Variants in TG observed in about 807,000 individuals in gnomAD.
TG encodes thyroglobulin.
A neutral mutation model predicts 324.7 loss-of-function variants in TG; 270 were observed. The ratio of observed to expected loss-of-function variants is 0.83; its 90% confidence interval spans 0.75 to 0.92. TG has a LOEUF of 0.92. Among genes scored for constraint, TG ranks in the 40% least tolerant of loss-of-function variants. The probability of loss-of-function intolerance (pLI) is 0.00; values close to 1 mark genes in which losing one functional copy is unlikely to be tolerated. For synonymous variants in TG, 1,401 were observed against 1,327.0 expected, an observed-to-expected ratio of 1.06 and a Z score of -1.21; for missense variants, 3,591 against 3,456.4, an observed-to-expected ratio of 1.04 and a Z score of -0.98.
intron 43 of TG, among the ~76,000 whole-genome samples, chr8:133,098,788 G>A (rs540733593): frequency 2.0e-5 from 3 of 152,258 alleles, no homozygotes; most frequent in East Asian, 3.9e-4. Flanking sequence ...GCAGATCTGG[G>A]ACCATGGTGT....
In TG at chr8:133,071,924, T is replaced by C. The variant is rs542481471; in HGVS notation, c.7240-23120T>C. Among the ~76,000 whole-genome samples the C allele has an allele frequency of 2.0e-5, 3 of 152,324 alleles. No individual in the cohort carries two copies. The East Asian group carries it at 5.8e-4, about 29-fold the overall frequency. ...CATGATCTAGCCGGTGTCTGGCACA[T>C]AATGCAAGCTCAGTTAGTTAGAATG... On this transcript the variant is annotated intron_variant, in intron 41 of 47. Transcript: ENST00000220616.
intron 41 of TG, among the ~76,000 whole-genome samples, chr8:133,058,395 A>G (rs1418240680): frequency 6.6e-6 from 1 of 152,254 alleles, no homozygotes; most frequent in Non-Finnish European, 1.5e-5. Flanking sequence ...TCCCACCCAC[A>G]TAATGGAACA....
intron 38 of TG, among the ~76,000 whole-genome samples, chr8:133,019,377 A>G (rs1835352332): frequency 6.6e-6 from 1 of 152,160 alleles, no homozygotes; most frequent in African/African-American, 2.4e-5. Flanking sequence ...GTCTCTGGGG[A>G]ATGTTCTTCC....
In TG at chr8:132,913,040, C is replaced by T. The variant is rs1383066234; in HGVS notation, c.4160-7C>T. On this transcript the variant is annotated splice_region_variant and splice_polypyrimidine_tract_variant and intron_variant, in intron 19 of 47. Transcript: ENST00000220616. ...GGGTGACCTCTACCTTATCCTGTGTCTTACAGAGAGAGCCTTGGTGGGCAA... is the reference window on the plus strand; with the variant it reads ...GGGTGACCTCTACCTTATCCTGTGTTTTACAGAGAGAGCCTTGGTGGGCAA... 1 of 1,613,956 alleles carries T rather than the reference C, an allele frequency of 6.2e-7. No homozygotes were observed. Among genetic ancestry groups the T allele is most frequent in the East Asian group, 2.2e-5 (1 of 44,872 alleles).
chr8:133,091,443 C>T (rs897362628), intron 41 of TG, among the ~76,000 whole-genome samples: 1 of 152,174 alleles, frequency 6.6e-6, no homozygotes, highest in African/African-American at 2.4e-5. Flanking sequence ...AGACCTCCTG[C>T]TTGTCCGGGT....
intron 26 of TG, among the ~76,000 whole-genome samples, chr8:132,943,240 C>T (rs1824713385): frequency 6.6e-6 from 1 of 152,116 alleles, no homozygotes; most frequent in African/African-American, 2.4e-5. Flanking sequence ...TGGCTTGGTG[C>T]TATCCTCGTG....
intron 43 of TG, among the ~76,000 whole-genome samples, chr8:133,112,515 C>T (rs1850339913): frequency 6.9e-6 from 1 of 145,004 alleles, no homozygotes; most frequent in Admixed American, 7.1e-5. Context: ...AAGGAAGGAA[C>T]AGAGAGAGGG....
In TG at chr8:132,913,242, C is replaced by G. The variant is rs976398214; in HGVS notation, c.4355C>G (p.Ala1452Gly). Residue 1452 changes from alanine to glycine, a missense_variant, in exon 20 of 48, where the codon GCC becomes GGC. By Grantham distance (60) the Ala-to-Gly change is moderately conservative. Coordinates refer to ENST00000220616, the MANE Select transcript of TG (RefSeq NM_003235.5). ...TTCTACCAAGTCTTGACAAGTGAGG[C>G]CAGTCAGGACGGACTGGGATGCGGT... ...EGFYQVLTSE[A>G]SQDGLGCVKC... 1 of 1,614,198 alleles carries G rather than the reference C, an allele frequency of 6.2e-7. No homozygotes were observed. Among genetic ancestry groups the G allele is most frequent in the Non-Finnish European group, 8.5e-7 (1 of 1,180,036 alleles).
intron 45 of TG, among the ~76,000 whole-genome samples, chr8:133,119,994 G>A (rs1851013597): frequency 2.0e-5 from 3 of 152,214 alleles, no homozygotes; most frequent in African/African-American, 7.2e-5. Context: ...TGGTTTGGGT[G>A]GAGATGAAGG....
intron 43 of TG, among the ~76,000 whole-genome samples, chr8:133,109,517 T>C (rs1415654950): frequency 6.6e-6 from 1 of 152,194 alleles, no homozygotes; most frequent in Non-Finnish European, 1.5e-5. Flanking sequence ...AGCAGCCTAG[T>C]TCTCAGGAGT....
At chr8:133,012,745 C>T (rs1013611293) in intron 36 of TG, among the ~76,000 whole-genome samples, 4 of 152,196 alleles carry the variant, frequency 2.6e-5, no homozygotes, top group African/African-American at 9.7e-5. Flanking sequence ...ATTGGACCAC[C>T]ATGTACAGAT....
intron 41 of TG, among the ~76,000 whole-genome samples, chr8:133,092,993 G>A (rs1847803437): frequency 6.6e-6 from 1 of 152,196 alleles, no homozygotes; most frequent in Non-Finnish European, 1.5e-5. Context: ...AGGAAATATT[G>A]AAACCGTCAG....
intron 10 of TG, among the ~76,000 whole-genome samples, chr8:132,890,666 T>A (rs915355026): frequency 3.3e-5 from 5 of 152,200 alleles, no homozygotes; most frequent in African/African-American, 1.2e-4. Context: ...AAATCTGAGT[T>A]ACAATACATA....
intron 40 of TG, among the ~76,000 whole-genome samples, chr8:133,024,320 TTCTTTCTTTCTTTC>T (rs1392487842): frequency 1.7e-5 from 1 of 60,256 alleles, no homozygotes; most frequent in Non-Finnish European, 3.6e-5. Context: ...CTTTCTTTCT[TTCTTTCTTTCTTTC>T]TTTCTTTCTT....
intron 43 of TG, 48 bp downstream of exon 43, chr8:133,096,421 G>A: frequency 1.2e-6 from 2 of 1,610,118 alleles, no homozygotes; most frequent in Non-Finnish European, 1.7e-6. Context: ...CATTTCCTAA[G>A]GGCTCTGGAC....
chr8:133,091,929 G>C (rs1228144724), intron 41 of TG, among the ~76,000 whole-genome samples: 1 of 152,062 alleles, frequency 6.6e-6, no homozygotes, highest in Non-Finnish European at 1.5e-5. Flanking sequence ...CTACGTCTGT[G>C]TGTGTGTGTG....
chr8:132,909,495 G>T (rs1227337056), intron 18 of TG, among the ~76,000 whole-genome samples: 1 of 152,210 alleles, frequency 6.6e-6, no homozygotes, highest in South Asian at 2.1e-4. Context: ...GGAGGAAGCT[G>T]GGCAGGGACC....
At chr8:133,031,435 A>G (rs1333064586) in intron 41 of TG, among the ~76,000 whole-genome samples, 2 of 152,160 alleles carry the variant, frequency 1.3e-5, no homozygotes, top group Non-Finnish European at 2.9e-5. Flanking sequence ...GGGTGTTCAG[A>G]AGGCCTTTAA....
chr8:132,994,583 A>T, intron 35 of TG: 1 of 896,296 alleles, frequency 1.1e-6, no homozygotes, highest in Non-Finnish European at 1.5e-6. Context: ...GGCTAGTGCT[A>T]CACAAAGTTT....
Sources: gnomAD v4.1 joint callset for allele counts (sites outside exome capture counted in the v4.1 genomes callset) on GRCh38, gnomAD v4.1.1 for gene constraint, MANE v1.5 for transcripts, NCBI Gene and HGNC (gene_info 2026-07-23, HGNC 2026-07-21) for gene names.